KCNJ4: variants seen among roughly 807,000 people sequenced by gnomAD.
KCNJ4 encodes potassium inwardly rectifying channel subfamily J member 4, also known as inward rectifier potassium channel 4.
A neutral mutation model predicts 25.6 loss-of-function variants in KCNJ4; 3 were observed. That is an observed-to-expected ratio of 0.12 (90% CI 0.05 to 0.30). The LOEUF (loss-of-function observed/expected upper bound fraction) is 0.30. Ranked by LOEUF, KCNJ4 falls within the 10% of genes least tolerant of loss-of-function variation. The pLI is 1.00. For synonymous variants in KCNJ4, 257 were observed against 283.9 expected, an observed-to-expected ratio of 0.91 and a Z score of 0.95; for missense variants, 286 against 666.8, an observed-to-expected ratio of 0.43 and a Z score of 6.29.
intron 1 of KCNJ4, among the ~76,000 whole-genome samples, chr22:38,442,270 C>T (rs909448864): frequency 3.9e-5 from 6 of 152,092 alleles, no homozygotes; most frequent in African/African-American, 1.4e-4. Flanking sequence ...GTTGTGTGGC[C>T]GGGCGCGGTG....
At chr22:38,441,064 G>A (rs188774973) in intron 1 of KCNJ4, among the ~76,000 whole-genome samples, 357 of 152,316 alleles carry the variant, frequency 2.3e-3, no homozygotes, top group African/African-American at 7.4e-3. Flanking sequence ...CCCGGCCCCA[G>A]CAGCCCCACA....
rs2089432503 is a variant in KCNJ4 at position 38,455,087 on chromosome 22, GCC to G, written c.-149_-148del. 1 of 150,338 alleles carries G rather than the reference GCC, an allele frequency of 6.7e-6. No homozygotes were observed. The highest frequency in any genetic ancestry group is 3.4e-3 in the Middle Eastern group (1 of 292). The allele number at this position is 150,338 out of a possible 1,614,324, so 9.3% of individuals were successfully genotyped here. On this transcript the variant is annotated 5_prime_UTR_variant, in exon 1 of 2. Coordinates refer to ENST00000303592, the MANE Select transcript of KCNJ4 (RefSeq NM_152868.3). The stretch of plus-strand genomic sequence containing the variant: ...CGGGCGCGGAAAGGGGAGTCCCGGC[GCC>G]CCCTGCCCGCGAACTCGGCCGGCCG...
chr22:38,439,531 C>T (rs188982217), intron 1 of KCNJ4, among the ~76,000 whole-genome samples: 28 of 152,252 alleles, frequency 1.8e-4, no homozygotes, highest in Middle Eastern at 3.4e-3. Flanking sequence ...AATCCCGGCA[C>T]TTTGGGAGGC....
intron 1 of KCNJ4, among the ~76,000 whole-genome samples, chr22:38,448,877 C>T (rs969622955): frequency 6.6e-6 from 1 of 152,204 alleles, no homozygotes; most frequent in Non-Finnish European, 1.5e-5. Flanking sequence ...CGCCCAACTG[C>T]ACCTCCCATG....
At chr22:38,445,995 C>T (rs1473451780) in intron 1 of KCNJ4, among the ~76,000 whole-genome samples, 1 of 152,234 alleles carries the variant, frequency 6.6e-6, no homozygotes, top group African/African-American at 2.4e-5. Flanking sequence ...CGCCACTCTG[C>T]AGCCCAAATA....
At chr22:38,448,479 C>T (rs1017771109) in intron 1 of KCNJ4, among the ~76,000 whole-genome samples, 6 of 152,106 alleles carry the variant, frequency 3.9e-5, no homozygotes, top group Admixed American at 1.3e-4. Context: ...AGGCCCCTGA[C>T]GCAGGCCACC....
At position 38,435,342 on chromosome 22, in the gene KCNJ4, G is replaced by T. The variant is rs117655299; in HGVS notation, c.-39-7171C>A. Among the ~76,000 whole-genome samples the T allele has an allele frequency of 4.1e-4, 62 of 152,332 alleles. No individual in the cohort carries two copies. The East Asian group carries it at 8.5e-3, about 21-fold the overall frequency. The stretch of plus-strand genomic sequence containing the variant: ...TGGAGGTCAGGGGACGCAGCCCAGG[G>T]CATAGCTCAGCGCACCCAGGATGGG... On this transcript the variant is annotated intron_variant, in intron 1 of 1. Coordinates refer to ENST00000303592, the MANE Select transcript of KCNJ4 (RefSeq NM_152868.3).
At chr22:38,451,296 T>C (rs1010573579) in intron 1 of KCNJ4, among the ~76,000 whole-genome samples, 4 of 152,048 alleles carry the variant, frequency 2.6e-5, no homozygotes, top group African/African-American at 7.2e-5. Flanking sequence ...ACCTCTAGGA[T>C]TGAGGAGCCC....
chr22:38,432,828 G>A (rs1315555932), intron 1 of KCNJ4, among the ~76,000 whole-genome samples: 1 of 151,950 alleles, frequency 6.6e-6, no homozygotes, highest in African/African-American at 2.4e-5. Context: ...AAAATTAGCC[G>A]GGCATGATGG....
intron 1 of KCNJ4, among the ~76,000 whole-genome samples, chr22:38,435,474 C>A (rs961236094): frequency 6.6e-6 from 1 of 152,132 alleles, no homozygotes; most frequent in Non-Finnish European, 1.5e-5. Flanking sequence ...AGGTGGATCA[C>A]CTGATGTCAG....
intron 1 of KCNJ4, among the ~76,000 whole-genome samples, chr22:38,435,345 T>C (rs1293600438): frequency 1.3e-5 from 2 of 152,152 alleles, no homozygotes; most frequent in Non-Finnish European, 2.9e-5. Flanking sequence ...GCCCAGGGCA[T>C]AGCTCAGCGC....
intron 1 of KCNJ4, among the ~76,000 whole-genome samples, chr22:38,444,654 G>C (rs1226490732): frequency 1.3e-5 from 2 of 152,242 alleles, no homozygotes; most frequent in Non-Finnish European, 2.9e-5. Context: ...AGAAGGACCA[G>C]AGACAGCAGG....
intron 1 of KCNJ4, among the ~76,000 whole-genome samples, chr22:38,430,945 C>T (rs1025850337): frequency 6.6e-6 from 1 of 152,222 alleles, no homozygotes; most frequent in Non-Finnish European, 1.5e-5. Context: ...TCACCCCCAC[C>T]CCAGAGCTCC....
rs1288306473 is a variant in KCNJ4, at chr22:38,427,709, C to T, written c.424G>A (p.Val142Met). The change falls in exon 2 of 2, where the codon GTG becomes ATG. Residue 142 changes from valine to methionine, a missense_variant. Val to Met is a conservative substitution (Grantham distance 21). Coordinates refer to ENST00000303592, the MANE Select transcript of KCNJ4 (RefSeq NM_152868.3). Reference protein sequence around the residue: ...QTTIGYGFRCVTEECPLAVIA... With the variant: ...QTTIGYGFRCMTEECPLAVIA... ...ACTGCCAGCGGGCACTCCTCTGTCA[C>T]GCACCGGAACCCATAGCCGATGGTC... 1.9e-6 allele frequency: 3 copies of T among 1,611,896 alleles called. No individual in the cohort carries two copies. The highest frequency in any genetic ancestry group is 1.6e-4 in the Middle Eastern group (1 of 6,062).
Position 38,427,506 on chromosome 22 carries a change from C to T in KCNJ4, c.627G>A (p.Leu209=), listed in dbSNP as rs1265434779. 4 of 1,612,146 alleles carry T rather than the reference C, an allele frequency of 2.5e-6. No individual in the cohort carries two copies. Among genetic ancestry groups the T allele is most frequent in the Admixed American group, 1.7e-5 (1 of 59,992 alleles). The part of the protein sequence containing the change: ...KLCLMWRVGN[L]RKSHIVEAHV... Reference sequence around the variant, plus strand: ...GGGCCTCCACAATGTGGCTCTTGCGCAGGTTGCCCACGCGCCACATGAGGC... The same window carrying T: ...GGGCCTCCACAATGTGGCTCTTGCGTAGGTTGCCCACGCGCCACATGAGGC... The change falls in exon 2 of 2, where the codon CTG becomes CTA. Residue 209 remains leucine, a synonymous_variant. Coordinates refer to ENST00000303592, the MANE Select transcript of KCNJ4 (RefSeq NM_152868.3).
chr22:38,450,007 C>T (rs2089401042), intron 1 of KCNJ4, among the ~76,000 whole-genome samples: 1 of 152,246 alleles, frequency 6.6e-6, no homozygotes, highest in East Asian at 1.9e-4. Context: ...TATTCATAGC[C>T]GAGCTCCACC....
rs746077224 is a variant in KCNJ4, at chr22:38,428,164, C to T, written c.-32G>A. The T allele has an allele frequency of 1.6e-5, 26 of 1,584,984 alleles. No homozygotes were observed. The highest frequency in any genetic ancestry group is 4.5e-5 in the East Asian group (2 of 44,544). ...AAGCCGGCGTGGTCACCTGGGAAGA[C>T]GCAGGGCCTGCGGAGGAGAAGCCGG... On this transcript the variant is annotated 5_prime_UTR_variant, in exon 2 of 2. Transcript: ENST00000303592.
chr22:38,446,683 G>A lies in KCNJ4; in HGVS notation c.-40+8297C>T, dbSNP rs544530804. 5.9e-5 allele frequency among the ~76,000 whole-genome samples: 9 copies of A among 152,242 alleles called. No homozygotes were observed. The East Asian group carries it at 1.5e-3, about 26-fold the overall frequency. On this transcript the variant is annotated intron_variant, in intron 1 of 1. Coordinates refer to ENST00000303592, the MANE Select transcript of KCNJ4 (RefSeq NM_152868.3). ...GAAACAGATGCAAAGGGCCAGGCAC[G>A]GTGGCTCATACCTATAATCCCACCA...
At chr22:38,440,219 C>T (rs982272011) in intron 1 of KCNJ4, among the ~76,000 whole-genome samples, 2 of 151,848 alleles carry the variant, frequency 1.3e-5, no homozygotes, top group African/African-American at 4.8e-5. Flanking sequence ...AGATCAGCCT[C>T]GGCAACATAG....
Sources: gnomAD v4.1 joint callset for allele counts (sites outside exome capture counted in the v4.1 genomes callset) on GRCh38, gnomAD v4.1.1 for gene constraint, MANE v1.5 for transcripts, NCBI Gene and HGNC (gene_info 2026-07-23, HGNC 2026-07-21) for gene names.